Variants in PKD1 observed in about 807,000 individuals in gnomAD.
PKD1 encodes polycystin 1, transient receptor potential channel interacting, also known as polycystin-1.
In PKD1, 81 loss-of-function variants were observed where a neutral mutation model predicts 361.7. The ratio of observed to expected loss-of-function variants is 0.22; its 90% CI spans 0.19 to 0.27. PKD1 has a LOEUF of 0.27. Among genes scored for constraint, PKD1 ranks in the 10% least tolerant of loss-of-function variants. The probability of loss-of-function intolerance (pLI) is 1.00; values close to 1 mark genes in which losing one functional copy is unlikely to be tolerated. For missense variants in PKD1, 6,399 were observed against 6,118.3 expected (o/e 1.05, Z -1.53); for synonymous variants, 3,615 against 2,818.3 (o/e 1.28, Z -8.95).
Position 2,090,978 on chromosome 16 carries a change from C to T in PKD1, c.11909G>A (p.Arg3970His). 1.3e-6 allele frequency: 2 copies of T among 1,537,726 alleles called. No individual in the cohort carries two copies. The highest frequency in any genetic ancestry group is 2.4e-5 in the East Asian group (1 of 41,034). Residue 3970 changes from arginine to histidine, a missense_variant, in exon 43 of 46, where the codon CGC becomes CAC. Arg to His is a conservative substitution (Grantham distance 29). Coordinates refer to ENST00000262304, the MANE Select transcript of PKD1 (RefSeq NM_001009944.3). ...GTCGAAGCTAGTGAAGCGGCGCGGG[C>T]GGCCGCGCACGAAACGGGTCCACTG... ...DRQWTRFVRG[R>H]PRRFTSFDQV...
At position 2,103,151 on chromosome 16, in the gene PKD1, G is replaced by C. The variant is rs1265502143; in HGVS notation, c.8791+115C>G. On this transcript the variant is annotated intron_variant, in intron 23 of 45. Coordinates refer to ENST00000262304, the MANE Select transcript of PKD1 (RefSeq NM_001009944.3). ...CTCCTCTCTGGCCAGGCCCCCAGCA[G>C]CCCATGAAACAGAAAGCAAATTTCA... 11 of 1,346,742 alleles carry C rather than the reference G, an allele frequency of 8.2e-6. No homozygotes were observed. The East Asian group carries it at 2.7e-4, about 34-fold the overall frequency. 83.4% of individuals were successfully genotyped at this position (1,346,742 alleles called of 1,614,324 possible). A position where few individuals can be genotyped will look rare whatever the true frequency, so the allele number is the denominator to read the frequency against.
Position 2,109,257 on chromosome 16 carries a change from G to A in PKD1, c.5910C>T (p.Ala1970=), listed in dbSNP as rs771127809. The A allele has an allele frequency of 4.7e-5, 74 of 1,585,266 alleles. No individual in the cohort carries two copies. The highest frequency in any genetic ancestry group is 2.2e-4 in the Admixed American group (13 of 59,382). The part of the protein sequence containing the change: ...QAQVRIVVLE[A]VSGLQVPNCC... ...AGTTGGGCACCTGCAGCCCACTCAC[G>A]GCCTCCAGCACCACGATGCGCACCT... The change falls in exon 15 of 46, where the codon GCC becomes GCT. Residue 1970 remains alanine, a synonymous_variant. Coordinates refer to ENST00000262304, the MANE Select transcript of PKD1 (RefSeq NM_001009944.3).
In PKD1 at chr16:2,124,169, C is replaced by T. The variant is rs572140795; in HGVS notation, c.216-4791G>A. Among the ~76,000 whole-genome samples the T allele has an allele frequency of 5.9e-5, 9 of 152,328 alleles. No individual in the cohort carries two copies. In the East Asian group the frequency reaches 1.7e-3, roughly 29 times the overall value. ...CAGAGGGTGTGGCCAGGCCTGGAGG[C>T]TGCCCCTCCACACCCGTCACAGGTG... On this transcript the variant is annotated intron_variant, in intron 1 of 45. Transcript: ENST00000262304.
Position 2,089,801 on chromosome 16 carries a change from C to T in PKD1, c.12838G>A (p.Gly4280Ser). The change falls in exon 46 of 46, where the codon GGT becomes AGT. Residue 4280 changes from glycine to serine, a missense_variant. Transcript: ENST00000262304. ...CTGGGGCCAGTGGCCAGGTCCACAC[C>T]CCGACTGGCCCGGGCAAGGCGGCTG... ...LPSRLARASR[G>S]VDLATGPSRT... 3 of 1,597,688 alleles carry T rather than the reference C, an allele frequency of 1.9e-6. No individual in the cohort carries two copies. Among genetic ancestry groups the T allele is most frequent in the Non-Finnish European group, 2.6e-6 (3 of 1,173,080 alleles).
chr16:2,101,214 T>C (rs902886518), intron 26 of PKD1, among the ~76,000 whole-genome samples: 4 of 152,148 alleles, frequency 2.6e-5, no homozygotes, highest in African/African-American at 9.7e-5. Flanking sequence ...CTCGATCTCC[T>C]GACCCCGTGA....
At position 2,093,645 on chromosome 16, in the gene PKD1, C is replaced by T; in HGVS notation, c.10915G>A (p.Val3639Met). Residue 3639 changes from valine (V) to methionine (M), a missense_variant, in exon 37 of 46, where the codon GTG becomes ATG. By Grantham distance (21) the Val-to-Met change is conservative. Transcript: ENST00000262304. The stretch of plus-strand genomic sequence containing the variant: ...CGTACGCGGGGCACACGTGCGCTCA[C>T]AGGCGTCACAGCCGGGCTCTCTACC... ...TLVESPAVTP[V>M]SARVPRVRPP... 1 of 1,608,974 alleles carries T rather than the reference C, an allele frequency of 6.2e-7. No homozygotes were observed. The highest frequency in any genetic ancestry group is 8.5e-7 in the Non-Finnish European group (1 of 1,178,102).
chr16:2,097,937 G>C lies in PKD1; in HGVS notation c.10098C>G (p.Asp3366Glu), dbSNP rs889929339. 4 of 1,602,836 alleles carry C rather than the reference G, an allele frequency of 2.5e-6. No homozygotes were observed. Among genetic ancestry groups the C allele is most frequent in the Admixed American group, 1.7e-5 (1 of 59,824 alleles). The change falls in exon 31 of 46, where the codon GAC becomes GAG. Residue 3366 changes from aspartate to glutamate, a missense_variant. Asp to Glu is a conservative substitution (Grantham distance 45). Transcript: ENST00000262304. ...SPTPAGQQVL[D>E]IDSCLDSSVL... ...CGGACGAGTCCAGGCAGCTGTCGATGTCCAGCACCTGCTGCCCGGCAGGTG... is the reference window on the plus strand; with the variant it reads ...CGGACGAGTCCAGGCAGCTGTCGATCTCCAGCACCTGCTGCCCGGCAGGTG...
Position 2,102,496 on chromosome 16 carries a change from C to T in PKD1, c.9086G>A (p.Gly3029Glu). ...SEEDMVWRTE[G>E]LLPLEETSPR... Reference sequence around the variant, plus strand: ...CGAGGTCTCCTCCAGGGGCAGCAGCCCCTCTGTCCGCCACACCATGTCCTC... The same window carrying T: ...CGAGGTCTCCTCCAGGGGCAGCAGCTCCTCTGTCCGCCACACCATGTCCTC... Residue 3029 changes from glycine (G) to glutamate (E), a missense_variant, in exon 25 of 46, where the codon GGG (glycine) becomes GAG (glutamate). By Grantham distance (98) the Gly-to-Glu change is moderately conservative. Transcript: ENST00000262304. The T allele has an allele frequency of 6.3e-7, 1 of 1,584,004 alleles. No homozygotes were observed. The highest frequency in any genetic ancestry group is 8.6e-7 in the Non-Finnish European group (1 of 1,167,078).
rs2092429972 is a variant in PKD1 at position 2,108,925 on chromosome 16, G to A, written c.6242C>T (p.Ala2081Val). Residue 2081 changes from alanine to valine, a missense_variant, in exon 15 of 46, where the codon GCC (alanine) becomes GTC (valine). Transcript: ENST00000262304. ...CFTNRSAQFE[A>V]ATSPSPRRVA... ...ACGCCGGGGGCTGGGGCTGGTGGCG[G>A]CCTCAAACTGCGCCGAGCGGTTGGT... is the stretch of plus-strand genomic sequence containing the variant. 5.6e-6 allele frequency: 9 copies of A among 1,595,902 alleles called. No homozygotes were observed. In the East Asian group the frequency reaches 1.1e-4, roughly 20 times the overall value.
In PKD1 at chr16:2,102,628, C is replaced by T. The variant is rs1345677862; in HGVS notation, c.8954G>A (p.Arg2985Lys). 2 of 1,611,014 alleles carry T rather than the reference C, an allele frequency of 1.2e-6. No homozygotes were observed. Among genetic ancestry groups the T allele is most frequent in the Non-Finnish European group, 8.5e-7 (1 of 1,179,808 alleles). The change falls in exon 25 of 46, where the codon AGA becomes AAA. Residue 2985 changes from arginine (R) to lysine (K), a missense_variant. Coordinates refer to ENST00000262304, the MANE Select transcript of PKD1 (RefSeq NM_001009944.3). Reference sequence around the variant, plus strand: ...CAGATGGTAACTCCCCGCTGGGTCTCTGCTCCTGGGCAGGGAAGGGGTAGC... The same window carrying T: ...CAGATGGTAACTCCCCGCTGGGTCTTTGCTCCTGGGCAGGGAAGGGGTAGC... The part of the protein sequence containing the change: ...PYTFFISPGS[R>K]DPAGSYHLNL...
rs377303753 is a variant in PKD1 at position 2,114,417 on chromosome 16, C to G, written c.2606G>C (p.Arg869Pro). ...CAGGGCAGGGCAGACATTCTCAAAGCGGGCGCTGACACTGCCCCCAGGCCA... is the reference window on the plus strand; with the variant it reads ...CAGGGCAGGGCAGACATTCTCAAAGGGGGCGCTGACACTGCCCCCAGGCCA... ...ARWPGGSVSA[R>P]FENVCPALVA... Residue 869 changes from arginine (R) to proline (P), a missense_variant, in exon 11 of 46, where the codon CGC becomes CCC. Transcript: ENST00000262304. The G allele has an allele frequency of 6.2e-7, 1 of 1,603,068 alleles. No individual in the cohort carries two copies. The highest frequency in any genetic ancestry group is 8.5e-7 in the Non-Finnish European group (1 of 1,179,566).
rs771902961 is a variant in PKD1 at position 2,108,964 on chromosome 16, C to T, written c.6203G>A (p.Ser2068Asn). 1.2e-6 allele frequency: 2 copies of T among 1,609,280 alleles called. No homozygotes were observed. The highest frequency in any genetic ancestry group is 1.7e-6 in the Non-Finnish European group (2 of 1,179,090). The change falls in exon 15 of 46, where the codon AGC (serine) becomes AAC (asparagine). Residue 2068 changes from serine (S) to asparagine (N), a missense_variant. Coordinates refer to ENST00000262304, the MANE Select transcript of PKD1 (RefSeq NM_001009944.3). The stretch of plus-strand genomic sequence containing the variant: ...CGAGCGGTTGGTGAAGCAGGGGCCG[C>T]TCTGCAGGGCCACATACTGGACGGC... ...QDAVQYVALQ[S>N]GPCFTNRSAQ...
At chr16:2,094,057 G>C in intron 35 of PKD1, 35 bp downstream of exon 35, 1 of 1,584,678 alleles carries the variant, frequency 6.3e-7, no homozygotes, top group Non-Finnish European at 8.6e-7. Context: ...CTCACAGGGA[G>C]GGGCTAGGGG....
rs759964192 is a variant in PKD1, at chr16:2,111,036, C to T, written c.4131G>A (p.Glu1377=). 3.1e-6 allele frequency: 5 copies of T among 1,610,714 alleles called. No homozygotes were observed. Among genetic ancestry groups the T allele is most frequent in the Non-Finnish European group, 4.2e-6 (5 of 1,179,808 alleles). The stretch of plus-strand genomic sequence containing the variant: ...GCAGGGTGACGTTGCCCACCTCTGG[C>T]TCCACGCAGATGCTGGTGAAGTAAT... The part of the protein sequence containing the change: ...RAHYFTSICV[E]PEVGNVTLQP... The change falls in exon 15 of 46, where the codon GAG becomes GAA. Residue 1377 remains glutamate (E), a synonymous_variant. Transcript: ENST00000262304.
chr16:2,100,256 C>T lies in PKD1; in HGVS notation c.9622G>A (p.Ala3208Thr), dbSNP rs2092038484. The T allele has an allele frequency of 1.2e-6, 2 of 1,610,614 alleles. No homozygotes were observed. Among genetic ancestry groups the T allele is most frequent in the African/African-American group, 1.3e-5 (1 of 74,870 alleles). ...TTGACCAGGAAGAAGGCGCTGCGTGCCGTCTGCAGGTCCCTGACGATGACG... is the reference window on the plus strand; with the variant it reads ...TTGACCAGGAAGAAGGCGCTGCGTGTCGTCTGCAGGTCCCTGACGATGACG... Reference protein sequence around the residue: ...QHVIVRDLQTARSAFFLVNDW... With the variant: ...QHVIVRDLQTTRSAFFLVNDW... The change falls in exon 28 of 46, where the codon GCA (alanine) becomes ACA (threonine). Residue 3208 changes from alanine to threonine, a missense_variant. Transcript: ENST00000262304. This position sits in a 1 kb window ranked among gnomAD's most constrained non-coding sequence, Gnocchi z 4.4.
intron 6 of PKD1, 22 bp downstream of exon 6, chr16:2,117,467 C>G (rs1286741211): frequency 6.2e-6 from 9 of 1,442,418 alleles, no homozygotes; most frequent in Non-Finnish European, 8.5e-6. Flanking sequence ...CCTATGGCCC[C>G]TCGGGGGGTG....
Position 2,093,764 on chromosome 16 carries a change from G to A in PKD1, c.10822-26C>T, listed in dbSNP as rs377023853. 2.6e-5 allele frequency: 40 copies of A among 1,564,914 alleles called. No homozygotes were observed. In the Admixed American group the frequency reaches 3.5e-4, roughly 14 times the overall value. On this transcript the variant is annotated intron_variant, in intron 36 of 45. Coordinates refer to ENST00000262304, the MANE Select transcript of PKD1 (RefSeq NM_001009944.3). ...CTGGGGAGGGGGTGGCTTCAGAGGG[G>A]TCCCCCGTGATGGAGGCCTGTAGCC...
chr16:2,113,123 C>T (rs1433991687), intron 12 of PKD1, 38 bp downstream of exon 12: 5 of 708,568 alleles, frequency 7.1e-6, no homozygotes, highest in South Asian at 3.1e-5. Context: ...CGCCCTGCCC[C>T]GCCCCATCCC....
chr16:2,097,578 G>A lies in PKD1; in HGVS notation c.10221-75C>T, dbSNP rs1478093516. 1.9e-5 allele frequency: 30 copies of A among 1,604,894 alleles called. No individual in the cohort carries two copies. In the South Asian group the frequency reaches 2.0e-4, roughly 11 times the overall value. On this transcript the variant is annotated intron_variant, in intron 32 of 45. Transcript: ENST00000262304. The stretch of plus-strand genomic sequence containing the variant: ...AGCCCACCCCCGTCCAGTCACGCAC[G>A]GACACCCTGGGCTTCCGAGCAAACC...
Sources: gnomAD v4.1 joint callset for allele counts (sites outside exome capture counted in the v4.1 genomes callset) on GRCh38, gnomAD v4.1.1 for gene constraint, Gnocchi (gnomAD v3.1) non-coding constraint, MANE v1.5 for transcripts, NCBI Gene and HGNC (gene_info 2026-07-23, HGNC 2026-07-21) for gene names.